The following CGRRF1 variants were observed in gnomAD, a reference collection of about 807,000 sequenced individuals.
The protein encoded by CGRRF1 is cell growth regulator with ring finger domain 1.
Under a neutral mutation model 37.2 loss-of-function variants are expected in CGRRF1, and 32 were observed. The observed-to-expected ratio is 0.86, with a 90% CI of 0.65 to 1.16. The LOEUF (loss-of-function observed/expected upper bound fraction) is 1.16. Among genes scored for constraint, CGRRF1 ranks in the 50% most tolerant of loss-of-function variants. The pLI is 0.00. For synonymous variants in CGRRF1, 141 were observed against 140.3 expected, an observed-to-expected ratio of 1.00 and a Z score of -0.04; for missense variants, 391 against 382.6, an observed-to-expected ratio of 1.02 and a Z score of -0.18.
At position 54,530,049 on chromosome 14, in the gene CGRRF1, C is replaced by T; in HGVS notation, c.245C>T (p.Thr82Ile). 1 of 1,599,312 alleles carries T rather than the reference C, an allele frequency of 6.3e-7. No homozygotes were observed. Residue 82 changes from threonine to isoleucine, a missense_variant and splice_region_variant, in exon 3 of 6, where the codon ACT (threonine) becomes ATT (isoleucine). Physicochemically the swap from Thr to Ile is moderately conservative, Grantham distance 89. Transcript: ENST00000216420. The part of the protein sequence containing the change: ...ITNPSSASIT[T>I]GITLTTDCLE... ...ATTCTTTCTCCTTTGTTTTTTACAGCTGGCATAACCTTGACAACAGATTGC... is the reference window on the plus strand; with the variant it reads ...ATTCTTTCTCCTTTGTTTTTTACAGTTGGCATAACCTTGACAACAGATTGC...
At chr14:54,524,527 A>G (rs1227795253) in intron 2 of CGRRF1, among the ~76,000 whole-genome samples, 1 of 151,634 alleles carries the variant, frequency 6.6e-6, no homozygotes, top group East Asian at 1.9e-4. Context: ...CTGGGACTAC[A>G]GGTGTGCATG....
At chr14:54,530,448 C>G (rs1202093155) in intron 3 of CGRRF1, 1 of 871,416 alleles carries the variant, frequency 1.1e-6, no homozygotes, top group African/African-American at 1.7e-5. Flanking sequence ...GAAAATTAGA[C>G]TTCTTATGGA....
At position 54,538,340 on chromosome 14, in the gene CGRRF1, G is replaced by C; in HGVS notation, c.956G>C (p.Cys319Ser). Residue 319 changes from cysteine (C) to serine (S), a missense_variant, in exon 6 of 6, where the codon TGC becomes TCC. Coordinates refer to ENST00000216420, the MANE Select transcript of CGRRF1 (RefSeq NM_006568.3). ...RQFVQESFAL[C>S]SQKEQDKDKP... ...TTTGTTCAGGAATCTTTTGCACTTT[G>C]CAGTCAAAAAGAGCAAGATAAAGAC... The C allele has an allele frequency of 1.2e-6, 2 of 1,612,904 alleles. No individual in the cohort carries two copies. Among genetic ancestry groups the C allele is most frequent in the Non-Finnish European group, 1.7e-6 (2 of 1,179,012 alleles).
chr14:54,516,447 C>T (rs1165274591), intron 1 of CGRRF1, among the ~76,000 whole-genome samples: 10 of 152,038 alleles, frequency 6.6e-5, no homozygotes, highest in African/African-American at 2.4e-4. Context: ...CCTGTTAGTT[C>T]TTTAAAGATA....
chr14:54,522,425 AT>A, intron 1 of CGRRF1, 28 bp from the exon 2 acceptor site: 1 of 1,432,534 alleles, frequency 7.0e-7, no homozygotes, highest in South Asian at 1.4e-5. Context: ...ATTTGTTAAA[AT>A]AATATTTTAT....
chr14:54,522,272 A>G (rs930625058), intron 1 of CGRRF1, among the ~76,000 whole-genome samples, 182 bp from the exon 2 acceptor site: 3 of 152,190 alleles, frequency 2.0e-5, no homozygotes, highest in African/African-American at 7.2e-5. Flanking sequence ...CACTTGGTTC[A>G]TACAGAGGGC....
intron 2 of CGRRF1, among the ~76,000 whole-genome samples, chr14:54,524,561 A>C (rs946564891): frequency 2.6e-5 from 4 of 151,848 alleles, no homozygotes; most frequent in Non-Finnish European, 5.9e-5. Flanking sequence ...AAATAAAAAA[A>C]AAAATGTTTT....
intron 1 of CGRRF1, among the ~76,000 whole-genome samples, chr14:54,515,312 T>A (rs2032197210): frequency 6.6e-6 from 1 of 152,000 alleles, no homozygotes; most frequent in African/African-American, 2.4e-5. Flanking sequence ...CAGGATGGTC[T>A]CGATCGCTTG....
rs2032504000 is a variant in CGRRF1, at chr14:54,530,951, T to A, written c.471T>A (p.Asp157Glu). The change falls in exon 4 of 6, where the codon GAT becomes GAA. Residue 157 changes from aspartate (D) to glutamate (E), a missense_variant. Transcript: ENST00000216420. The part of the protein sequence containing the change: ...KEEIYCQLPR[D>E]TKIEDFGTVP... ...AAATATATTGCCAGTTACCAAGAGA[T>A]ACTAAAATTGAAGACTTTGGTACAG... 3 of 1,599,614 alleles carry A rather than the reference T, an allele frequency of 1.9e-6. No individual in the cohort carries two copies. Among genetic ancestry groups the A allele is most frequent in the Non-Finnish European group, 2.6e-6 (3 of 1,166,856 alleles).
chr14:54,525,247 A>C lies in CGRRF1; in HGVS notation c.244+2654A>C, dbSNP rs190794441. ...GAAAATACACTGAAAAACTAAGAAG[A>C]GCTGATACATTGTGAGCAAAACACA... is the stretch of plus-strand genomic sequence containing the variant. On this transcript the variant is annotated intron_variant, in intron 2 of 5. Coordinates refer to ENST00000216420, the MANE Select transcript of CGRRF1 (RefSeq NM_006568.3). Among the ~76,000 whole-genome samples, 34 of 152,330 alleles carry C rather than the reference A, an allele frequency of 2.2e-4. No individual in the cohort carries two copies. In the East Asian group the frequency reaches 6.2e-3, roughly 28 times the overall value.
rs144677000 is a variant in CGRRF1 at position 54,513,704 on chromosome 14, G to C, written c.104+3641G>C. 1.4e-4 allele frequency among the ~76,000 whole-genome samples: 21 copies of C among 152,162 alleles called. No individual in the cohort carries two copies. In the East Asian group the frequency reaches 4.1e-3, roughly 29 times the overall value. ...TGCAGTGGCATGATTTTGGCTCACT[G>C]CCTATAATTCCAGCACTTTGGGAGG... On this transcript the variant is annotated intron_variant, in intron 1 of 5. Transcript: ENST00000216420.
chr14:54,520,770 C>T (rs1410792748), intron 1 of CGRRF1, among the ~76,000 whole-genome samples: 1 of 152,190 alleles, frequency 6.6e-6, no homozygotes, highest in African/African-American at 2.4e-5. Flanking sequence ...CTATTCTTTT[C>T]TTTAAATATA....
Position 54,537,973 on chromosome 14 carries a change from C to T in CGRRF1, c.679-90C>T, listed in dbSNP as rs1248360943. 6.1e-6 allele frequency: 9 copies of T among 1,467,536 alleles called. No individual in the cohort carries two copies. The East Asian group carries it at 2.0e-4, about 33-fold the overall frequency. 90.9% of individuals were successfully genotyped at this position (1,467,536 alleles called of 1,614,324 possible). ...TTCTTTGCAATTGAATTTGCTAGCT[C>T]ATAAATTTTAAGCCGCTTCTTATGA... On this transcript the variant is annotated intron_variant, in intron 5 of 5. Coordinates refer to ENST00000216420, the MANE Select transcript of CGRRF1 (RefSeq NM_006568.3).
At chr14:54,537,975 T>A in intron 5 of CGRRF1, 88 bp from the exon 6 acceptor site, 1 of 1,468,524 alleles carries the variant, frequency 6.8e-7, no homozygotes, top group Non-Finnish European at 9.0e-7. Context: ...TGCTAGCTCA[T>A]AAATTTTAAG....
At chr14:54,514,301 G>C (rs1443580256) in intron 1 of CGRRF1, among the ~76,000 whole-genome samples, 1 of 152,164 alleles carries the variant, frequency 6.6e-6, no homozygotes, top group African/African-American at 2.4e-5. Flanking sequence ...AGAATAGAAT[G>C]TAACACTAGA....
intron 4 of CGRRF1, among the ~76,000 whole-genome samples, chr14:54,534,880 A>G (rs1014178046): frequency 6.6e-6 from 1 of 152,066 alleles, no homozygotes; most frequent in Non-Finnish European, 1.5e-5. Flanking sequence ...GTGCCCAGCT[A>G]AGTTAAAAAA....
At chr14:54,523,408 C>CCAA (rs1245872661) in intron 2 of CGRRF1, among the ~76,000 whole-genome samples, 2 of 152,028 alleles carry the variant, frequency 1.3e-5, no homozygotes, top group Non-Finnish European at 2.9e-5. Context: ...GTCTGCAGGA[C>CCAA]CATATAGGAA....
chr14:54,522,422 A>T, intron 1 of CGRRF1, 32 bp from the exon 2 acceptor site: 1 of 1,413,378 alleles, frequency 7.1e-7, no homozygotes, highest in Non-Finnish European at 9.4e-7. Context: ...AACATTTGTT[A>T]AAATAATATT....
At chr14:54,519,179 C>T (rs1009715998) in intron 1 of CGRRF1, among the ~76,000 whole-genome samples, 17 of 151,774 alleles carry the variant, frequency 1.1e-4, no homozygotes, top group South Asian at 1.0e-3. Context: ...CTCCCGACCT[C>T]GGGTGATCTG....
Sources: gnomAD v4.1 joint callset for allele counts (sites outside exome capture counted in the v4.1 genomes callset) on GRCh38, gnomAD v4.1.1 for gene constraint, MANE v1.5 for transcripts, NCBI Gene and HGNC (gene_info 2026-07-23, HGNC 2026-07-21) for gene names.